The following OSBPL3 variants were observed in gnomAD, a reference collection of about 807,000 sequenced individuals.
OSBPL3 encodes oxysterol-binding protein-related protein 3.
In OSBPL3, 65 loss-of-function variants were observed where a neutral mutation model predicts 120.1. That is an observed-to-expected ratio of 0.54 (90% CI 0.44 to 0.67). The LOEUF is 0.67. Among genes scored for constraint, OSBPL3 ranks in the 30% least tolerant of loss-of-function variants. OSBPL3 has a pLI of 0.00. For synonymous variants in OSBPL3, 416 were observed against 402.6 expected (o/e 1.03, Z -0.40); for missense variants, 1,004 against 1,082.1 (o/e 0.93, Z 1.01).
intron 2 of OSBPL3, among the ~76,000 whole-genome samples, chr7:24,878,512 C>G (rs1803171558): frequency 6.6e-6 from 1 of 152,110 alleles, no homozygotes; most frequent in South Asian, 2.1e-4. Context: ...ATCAATATTA[C>G]CTTTTATGAT....
At chr7:24,887,453 T>G (rs886116727) in intron 2 of OSBPL3, among the ~76,000 whole-genome samples, 2 of 152,196 alleles carry the variant, frequency 1.3e-5, no homozygotes, top group African/African-American at 4.8e-5. Flanking sequence ...TCATCCGTAA[T>G]TATACCAGTT....
rs1794890934 is a variant in OSBPL3, at chr7:24,819,737, T to C, written c.1948+438A>G. ...TAGGAAATATCTATAGCCTTATTTATTCTTTAGAAGATTTACCCACCCAAC... is the reference window on the plus strand; with the variant it reads ...TAGGAAATATCTATAGCCTTATTTACTCTTTAGAAGATTTACCCACCCAAC... On this transcript the variant is annotated intron_variant, in intron 17 of 22. Transcript: ENST00000313367. The surrounding 1 kb of genome is among the most constrained non-coding windows in gnomAD (Gnocchi z 4.1). 6.6e-6 allele frequency among the ~76,000 whole-genome samples: 1 copy of C among 152,170 alleles called. No homozygotes were observed. The highest frequency in any genetic ancestry group is 1.5e-5 in the Non-Finnish European group (1 of 68,024).
chr7:24,900,689 C>T lies in OSBPL3; in HGVS notation c.-149-8068G>A, dbSNP rs1353754732. Among the ~76,000 whole-genome samples the T allele has an allele frequency of 6.6e-6, 1 of 152,116 alleles. No homozygotes were observed. On this transcript the variant is annotated intron_variant, in intron 1 of 22. Coordinates refer to ENST00000313367, the MANE Select transcript of OSBPL3 (RefSeq NM_015550.4). The surrounding 1 kb of genome is among the most constrained non-coding windows in gnomAD (Gnocchi z 4.5). ...AAACTAAAAGACAGAGTTGGCTGGC[C>T]AGGCGTGGTGGCTCATGCCTGTAAT...
At position 24,965,886 on chromosome 7, in the gene OSBPL3, C is replaced by T. The variant is rs910312685; in HGVS notation, c.-150+14000G>A. Among the ~76,000 whole-genome samples, 1 of 152,182 alleles carries T rather than the reference C, an allele frequency of 6.6e-6. No homozygotes were observed. Among genetic ancestry groups the T allele is most frequent in the African/African-American group, 2.4e-5 (1 of 41,434 alleles). Reference sequence around the variant, plus strand: ...GTTTTACCAGTCCCTCCAGGACACTCTGACACTGCTGAGGTTTAGAACCAC... The same window carrying T: ...GTTTTACCAGTCCCTCCAGGACACTTTGACACTGCTGAGGTTTAGAACCAC... On this transcript the variant is annotated intron_variant, in intron 1 of 22. Transcript: ENST00000313367. The surrounding 1 kb of genome is among the most constrained non-coding windows in gnomAD (Gnocchi z 4.3).
chr7:24,858,067 G>A (rs974464568), intron 10 of OSBPL3, among the ~76,000 whole-genome samples: 1 of 152,144 alleles, frequency 6.6e-6, no homozygotes, highest in Non-Finnish European at 1.5e-5. Context: ...TCCACACAAA[G>A]CCAGAAACAT....
At position 24,827,504 on chromosome 7, in the gene OSBPL3, T is replaced by A. The variant is rs1399923551; in HGVS notation, c.1884+3264A>T. 6.6e-6 allele frequency among the ~76,000 whole-genome samples: 1 copy of A among 152,244 alleles called. No homozygotes were observed. The highest frequency in any genetic ancestry group is 2.4e-5 in the African/African-American group (1 of 41,476). ...ATCACATAGCTGCATCTTCACACTGTATGCTCACTTAGGATTCTCATTGGC... is the reference window on the plus strand; with the variant it reads ...ATCACATAGCTGCATCTTCACACTGAATGCTCACTTAGGATTCTCATTGGC... On this transcript the variant is annotated intron_variant, in intron 16 of 22. Coordinates refer to ENST00000313367, the MANE Select transcript of OSBPL3 (RefSeq NM_015550.4). This position sits in a 1 kb window ranked among gnomAD's most constrained non-coding sequence, Gnocchi z 5.1.
rs1292574996 is a variant in OSBPL3, at chr7:24,933,738, T to C, written c.-149-41117A>G. Among the ~76,000 whole-genome samples the C allele has an allele frequency of 1.3e-5, 2 of 152,234 alleles. No homozygotes were observed. Among genetic ancestry groups the C allele is most frequent in the East Asian group, 1.9e-4 (1 of 5,206 alleles). On this transcript the variant is annotated intron_variant, in intron 1 of 22. Transcript: ENST00000313367. The surrounding 1 kb of genome is among the most constrained non-coding windows in gnomAD (Gnocchi z 5.1). The stretch of plus-strand genomic sequence containing the variant: ...CTATGCTCTCAGTTCTGATCATAAG[T>C]TGATATTTAAATAATTAGTTATGAG...
chr7:24,960,675 A>C (rs1205645158), intron 1 of OSBPL3, among the ~76,000 whole-genome samples: 2 of 152,220 alleles, frequency 1.3e-5, no homozygotes, highest in Non-Finnish European at 2.9e-5. Flanking sequence ...AAAGATGTGA[A>C]GTCTAGGTGA....
chr7:24,917,668 C>T (rs1809876119), intron 1 of OSBPL3, among the ~76,000 whole-genome samples: 2 of 151,804 alleles, frequency 1.3e-5, no homozygotes, highest in Admixed American at 6.6e-5. Context: ...GAAATAAAGG[C>T]ATTACCCTGA....
Position 24,960,421 on chromosome 7 carries a change from G to A in OSBPL3, c.-150+19465C>T, listed in dbSNP as rs542921286. On this transcript the variant is annotated intron_variant, in intron 1 of 22. Transcript: ENST00000313367. ...AAAAATAGGAAAATAAATTGATGGT[G>A]CTAAGCTAGTCAAGCAGAGCAGAAA... Among the ~76,000 whole-genome samples the A allele has an allele frequency of 2.0e-5, 3 of 152,270 alleles. No homozygotes were observed. The South Asian group carries it at 6.2e-4, about 32-fold the overall frequency.
intron 5 of OSBPL3, among the ~76,000 whole-genome samples, chr7:24,866,622 C>T (rs1801353821): frequency 6.6e-6 from 1 of 150,554 alleles, no homozygotes; most frequent in African/African-American, 2.5e-5. Context: ...GCCTGGGTGG[C>T]AGAGGGAGAC....
At chr7:24,837,421 C>A (rs1465880072) in intron 14 of OSBPL3, among the ~76,000 whole-genome samples, 1 of 152,078 alleles carries the variant, frequency 6.6e-6, no homozygotes, top group Non-Finnish European at 1.5e-5. Flanking sequence ...GCAGGCTGGT[C>A]TCAAACTCTT....
At chr7:24,969,016 A>G (rs1386478719) in intron 1 of OSBPL3, among the ~76,000 whole-genome samples, 1 of 152,222 alleles carries the variant, frequency 6.6e-6, no homozygotes, top group African/African-American at 2.4e-5. Context: ...TAAAGTTCTT[A>G]GGACTGTTAT....
At position 24,886,797 on chromosome 7, in the gene OSBPL3, C is replaced by T. The variant is rs539026670; in HGVS notation, c.96+5580G>A. 2.6e-5 allele frequency among the ~76,000 whole-genome samples: 4 copies of T among 152,288 alleles called. No individual in the cohort carries two copies. The South Asian group carries it at 8.3e-4, about 32-fold the overall frequency. On this transcript the variant is annotated intron_variant, in intron 2 of 22. Transcript: ENST00000313367. The stretch of plus-strand genomic sequence containing the variant: ...CCAGAACATTTGTGAAGGCTTCTCT[C>T]AAATCCTGTCGTGGGGCCTGGCAGA...
chr7:24,966,187 G>A lies in OSBPL3; in HGVS notation c.-150+13699C>T, dbSNP rs977291860. Among the ~76,000 whole-genome samples the A allele has an allele frequency of 3.3e-5, 5 of 152,210 alleles. No individual in the cohort carries two copies. The highest frequency in any genetic ancestry group is 1.2e-4 in the African/African-American group (5 of 41,466). ...AACATGGGTATTTTCCCCAGACTGG[G>A]AAGTTCTTAGCCGCGAAGAGAAATC... is the stretch of plus-strand genomic sequence containing the variant. On this transcript the variant is annotated intron_variant, in intron 1 of 22. Transcript: ENST00000313367. This position sits in a 1 kb window ranked among gnomAD's most constrained non-coding sequence, Gnocchi z 4.8.
At chr7:24,823,895 A>G (rs941605565) in intron 16 of OSBPL3, among the ~76,000 whole-genome samples, 18 of 152,248 alleles carry the variant, frequency 1.2e-4, no homozygotes, top group Admixed American at 1.2e-3. Context: ...AGTAGAGAAT[A>G]ATGAGCAGAA....
chr7:24,796,973 A>G lies in OSBPL3; in HGVS notation c.*3210T>C, dbSNP rs2128079340. ...AATATCAAAATAAAGACATTCAAAC[A>G]AATTATGCCAATACATTGGAACTAT... On this transcript the variant is annotated 3_prime_UTR_variant, in exon 23 of 23. Transcript: ENST00000313367. This position sits in a 1 kb window ranked among gnomAD's most constrained non-coding sequence, Gnocchi z 5.2. 1 of 152,380 alleles carries G rather than the reference A, an allele frequency of 6.6e-6. No individual in the cohort carries two copies. Among genetic ancestry groups the G allele is most frequent in the Non-Finnish European group, 1.5e-5 (1 of 68,032 alleles). 9.4% of individuals were successfully genotyped at this position (152,380 alleles called of 1,614,324 possible). A position where few individuals can be genotyped will look rare whatever the true frequency, so the allele number is the denominator to read the frequency against.
chr7:24,926,669 T>C (rs1024438514), intron 1 of OSBPL3, among the ~76,000 whole-genome samples: 2 of 152,182 alleles, frequency 1.3e-5, no homozygotes, highest in African/African-American at 2.4e-5. Context: ...AATGAGGCCT[T>C]CTTGTCCATT....
At chr7:24,864,304 C>T (rs1801003246) in intron 7 of OSBPL3, among the ~76,000 whole-genome samples, 1 of 152,232 alleles carries the variant, frequency 6.6e-6, no homozygotes, top group Non-Finnish European at 1.5e-5. Flanking sequence ...GCTAGAGGCT[C>T]TCACACTTTG....
Sources: gnomAD v4.1 joint callset for allele counts (sites outside exome capture counted in the v4.1 genomes callset) on GRCh38, gnomAD v4.1.1 for gene constraint, Gnocchi (gnomAD v3.1) non-coding constraint, MANE v1.5 for transcripts, NCBI Gene and HGNC (gene_info 2026-07-23, HGNC 2026-07-21) for gene names.